Variants in TRMT9B observed in about 807,000 individuals in gnomAD.
TRMT9B encodes probable tRNA methyltransferase 9B.
A neutral mutation model predicts 11.5 loss-of-function variants in TRMT9B; 16 were observed. The ratio of observed to expected loss-of-function variants is 1.39; its 90% CI spans 0.94 to 2.11. The LOEUF (loss-of-function observed/expected upper bound fraction) is 2.11, where lower values mean the gene tolerates loss of function less well. TRMT9B is among the 30% of genes most tolerant of loss of function. TRMT9B has a pLI of 0.00. For missense variants in TRMT9B, 941 were observed against 553.8 expected (o/e 1.70, Z -7.02); for synonymous variants, 274 against 192.4 (o/e 1.42, Z -3.51).
rs1244929370 is a variant in TRMT9B, at chr8:13,026,980, G to A, written c.*4936G>A. The A allele has an allele frequency of 6.0e-6, 1 of 166,858 alleles. No individual in the cohort carries two copies. Among genetic ancestry groups the A allele is most frequent in the African/African-American group, 2.4e-5 (1 of 41,346 alleles). The allele number at this position is 166,858 out of a possible 1,614,324, so 10.3% of individuals were successfully genotyped here. ...TTTTTTTCATTTGTAAATCTGTTTC[G>A]ATTTGATTTGAATTAAAAAATAGTT... On this transcript the variant is annotated 3_prime_UTR_variant, in exon 5 of 5. Transcript: ENST00000524591.
chr8:12,950,535 T>TTTTTTC (rs1800513521), intron 1 of TRMT9B, among the ~76,000 whole-genome samples: 1 of 145,388 alleles, frequency 6.9e-6, no homozygotes, highest in Non-Finnish European at 1.5e-5. Flanking sequence ...AGACTCGTGG[T>TTTTTTC]TTTTTCTTTC....
chr8:12,976,889 C>A (rs929322739), intron 1 of TRMT9B, among the ~76,000 whole-genome samples: 2 of 152,100 alleles, frequency 1.3e-5, no homozygotes. Context: ...ATTGTTCAAC[C>A]CAGACCTATC....
chr8:12,967,876 G>C (rs1803039645), intron 1 of TRMT9B, among the ~76,000 whole-genome samples: 1 of 152,204 alleles, frequency 6.6e-6, no homozygotes, highest in African/African-American at 2.4e-5. Context: ...TGCTAAAAAA[G>C]AGAACAGTCT....
intron 2 of TRMT9B, among the ~76,000 whole-genome samples, chr8:12,994,838 T>G (rs1451153038): frequency 6.6e-6 from 1 of 152,130 alleles, no homozygotes; most frequent in Non-Finnish European, 1.5e-5. Context: ...TGCACCACCA[T>G]GCCCGGCTAA....
intron 1 of TRMT9B, among the ~76,000 whole-genome samples, chr8:12,984,966 C>G (rs1470604896): frequency 7.0e-6 from 1 of 143,470 alleles, no homozygotes; most frequent in East Asian, 1.9e-4. Flanking sequence ...CACACACACA[C>G]ACACACACAC....
At chr8:12,995,646 C>T (rs2030429) in intron 2 of TRMT9B, among the ~76,000 whole-genome samples, 152,241 of 152,270 alleles carry the variant, frequency 1, 76,106 homozygotes, top group Middle Eastern at 1. Flanking sequence ...TACTGATACA[C>T]ATGTTTGTCT....
chr8:12,955,104 T>C (rs1286630205), intron 1 of TRMT9B, among the ~76,000 whole-genome samples: 1 of 152,142 alleles, frequency 6.6e-6, no homozygotes, highest in Non-Finnish European at 1.5e-5. Flanking sequence ...CCTAATAGAC[T>C]CTAGAACTGA....
intron 4 of TRMT9B, among the ~76,000 whole-genome samples, chr8:13,019,676 A>T (rs556631299): frequency 1.3e-5 from 2 of 152,320 alleles, no homozygotes; most frequent in East Asian, 3.9e-4. Flanking sequence ...CCTGACTGCT[A>T]TACCTCCTTA....
chr8:12,968,169 G>C (rs1336911369), intron 1 of TRMT9B, among the ~76,000 whole-genome samples: 1 of 152,228 alleles, frequency 6.6e-6, no homozygotes, highest in South Asian at 2.1e-4. Context: ...ACAGACATGA[G>C]CCACCACCTG....
intron 1 of TRMT9B, chr8:12,959,866 CTTCTCT>C (rs1801855871): frequency 6.6e-6 from 1 of 152,126 alleles, no homozygotes; most frequent in Non-Finnish European, 1.5e-5. Flanking sequence ...ACTTAATCTG[CTTCTCT>C]TGATTTGGAA....
chr8:12,957,470 T>A (rs1585075083), intron 1 of TRMT9B, among the ~76,000 whole-genome samples: 1 of 151,854 alleles, frequency 6.6e-6, no homozygotes, highest in Admixed American at 6.6e-5. Flanking sequence ...TTAGAGTAAT[T>A]AAAAAAATAC....
rs918534908 is a variant in TRMT9B, at chr8:13,023,208, A to G, written c.*1164A>G. On this transcript the variant is annotated 3_prime_UTR_variant, in exon 5 of 5. Transcript: ENST00000524591. The stretch of plus-strand genomic sequence containing the variant: ...CAAGATTGACTAATGATGAGTCTGC[A>G]TCAAGAACTAGGCATTTCTTCTGAG... 6.0e-6 allele frequency: 1 copy of G among 167,138 alleles called. No homozygotes were observed. The allele number at this position is 167,138 out of a possible 1,614,324, so 10.4% of individuals were successfully genotyped here. A position where few individuals can be genotyped will look rare whatever the true frequency, so the allele number is the denominator to read the frequency against.
intron 1 of TRMT9B, among the ~76,000 whole-genome samples, chr8:12,983,664 C>T (rs751764751): frequency 3.3e-5 from 5 of 151,990 alleles, no homozygotes; most frequent in Non-Finnish European, 7.4e-5. Flanking sequence ...AGCAAGACGC[C>T]GTCTCAAAAT....
At chr8:12,982,230 C>T (rs1805516928) in intron 1 of TRMT9B, among the ~76,000 whole-genome samples, 1 of 152,076 alleles carries the variant, frequency 6.6e-6, no homozygotes, top group Non-Finnish European at 1.5e-5. Context: ...GAGGACTTAA[C>T]CCCAGGCAGA....
chr8:12,986,202 C>T (rs147847450), intron 1 of TRMT9B, among the ~76,000 whole-genome samples: 56 of 152,262 alleles, frequency 3.7e-4, no homozygotes, highest in East Asian at 2.5e-3. Flanking sequence ...GATTCATGAC[C>T]ATCTGAGTTT....
chr8:12,999,366 G>T (rs1331868807), intron 2 of TRMT9B, among the ~76,000 whole-genome samples: 2 of 151,464 alleles, frequency 1.3e-5, no homozygotes, highest in Non-Finnish European at 1.5e-5. Flanking sequence ...AGATGGGAGG[G>T]GTGATTTATT....
Position 12,979,212 on chromosome 8 carries a change from C to T in TRMT9B, c.-199-11622C>T, listed in dbSNP as rs536557422. ...AGTGCTGCATCCAAAAATTCTCATT[C>T]CTGTTCTCAGGGCCCAGTTTTGACC... is the stretch of plus-strand genomic sequence containing the variant. On this transcript the variant is annotated intron_variant, in intron 1 of 4. Coordinates refer to ENST00000524591, the MANE Select transcript of TRMT9B (RefSeq NM_020844.3). Among the ~76,000 whole-genome samples, 8 of 152,316 alleles carry T rather than the reference C, an allele frequency of 5.3e-5. No individual in the cohort carries two copies. The South Asian group carries it at 8.3e-4, about 16-fold the overall frequency.
At chr8:12,981,554 C>G (rs138704951) in intron 1 of TRMT9B, among the ~76,000 whole-genome samples, 39 of 152,040 alleles carry the variant, frequency 2.6e-4, no homozygotes, top group African/African-American at 8.9e-4. Flanking sequence ...GTTCTTTATT[C>G]CAGTATTGGT....
intron 1 of TRMT9B, among the ~76,000 whole-genome samples, chr8:12,947,614 T>C (rs1800327295): frequency 1.3e-5 from 2 of 152,200 alleles, no homozygotes; most frequent in Admixed American, 6.5e-5. Context: ...AATGCAAATA[T>C]GTGCATTGAG....
Sources: gnomAD v4.1 joint callset for allele counts (sites outside exome capture counted in the v4.1 genomes callset) on GRCh38, gnomAD v4.1.1 for gene constraint, MANE v1.5 for transcripts, NCBI Gene and HGNC (gene_info 2026-07-23, HGNC 2026-07-21) for gene names.